The following SLC14A2 variants were observed in gnomAD, a reference collection of about 807,000 sequenced individuals.
The protein encoded by SLC14A2 is urea transporter 2.
Under a neutral mutation model 104.6 loss-of-function variants are expected in SLC14A2, and 91 were observed. The ratio of observed to expected loss-of-function variants is 0.87; its 90% CI spans 0.73 to 1.04. The LOEUF is 1.04. Ranked by LOEUF, SLC14A2 falls within the 50% of genes least tolerant of loss-of-function variation. SLC14A2 has a pLI of 0.00. For missense variants in SLC14A2, 1,189 were observed against 1,156.0 expected (o/e 1.03, Z -0.41); for synonymous variants, 476 against 466.4 (o/e 1.02, Z -0.27).
chr18:45,588,906 G>A (rs1473555195), intron 2 of SLC14A2, among the ~76,000 whole-genome samples: 2 of 152,158 alleles, frequency 1.3e-5, no homozygotes, highest in East Asian at 3.9e-4. Flanking sequence ...GGAGTTACAG[G>A]GAGAGGTGAA....
chr18:45,553,269 T>C (rs924942857), intron 2 of SLC14A2, among the ~76,000 whole-genome samples: 1 of 152,218 alleles, frequency 6.6e-6, no homozygotes, highest in African/African-American at 2.4e-5. Flanking sequence ...TGAAAAAGAA[T>C]TGTACATACA....
intron 5 of SLC14A2, among the ~76,000 whole-genome samples, chr18:45,633,106 C>T (rs886400232): frequency 6.6e-6 from 1 of 152,168 alleles, no homozygotes; most frequent in Non-Finnish European, 1.5e-5. Flanking sequence ...CAGTGCTAAG[C>T]AGGGCTTATG....
At chr18:45,531,879 A>C (rs1238404954) in intron 2 of SLC14A2, among the ~76,000 whole-genome samples, 1 of 152,158 alleles carries the variant, frequency 6.6e-6, no homozygotes. Flanking sequence ...CTTTTTGTAT[A>C]AGGTGTAAGG....
Position 45,557,553 on chromosome 18 carries a change from C to G in SLC14A2, c.-34-67078C>G, listed in dbSNP as rs1360098691. 3.3e-5 allele frequency among the ~76,000 whole-genome samples: 5 copies of G among 152,342 alleles called. No individual in the cohort carries two copies. In the East Asian group the frequency reaches 9.6e-4, roughly 29 times the overall value. On this transcript the variant is annotated intron_variant, in intron 2 of 20. Coordinates refer to the SLC14A2 transcript ENST00000586448. ...CTGACTCACATTCTCCTCTCACCTCCCAAAAATGTCCCCAAATGCTGCCTC... is the reference window on the plus strand; with the variant it reads ...CTGACTCACATTCTCCTCTCACCTCGCAAAAATGTCCCCAAATGCTGCCTC...
chr18:45,225,128 TTA>T (rs1472004999), intron 1 of SLC14A2, among the ~76,000 whole-genome samples: 1 of 152,218 alleles, frequency 6.6e-6, no homozygotes, highest in Admixed American at 6.5e-5. Context: ...GTTCTAGGTC[TTA>T]TGTTTAAGTC....
intron 1 of SLC14A2, among the ~76,000 whole-genome samples, chr18:45,406,826 C>CT (rs1043488885): frequency 5.3e-5 from 8 of 149,974 alleles, no homozygotes; most frequent in African/African-American, 7.3e-5. Flanking sequence ...TGAAAGTAAT[C>CT]TTTTTTTTTT....
chr18:45,482,788 G>A (rs1295534285), intron 1 of SLC14A2, among the ~76,000 whole-genome samples: 4 of 150,710 alleles, frequency 2.7e-5, no homozygotes, highest in Admixed American at 6.7e-5. Context: ...CACTCAAATG[G>A]AGTGATCACA....
intron 1 of SLC14A2, among the ~76,000 whole-genome samples, chr18:45,375,451 C>A (rs2085763660): frequency 6.6e-6 from 1 of 152,166 alleles, no homozygotes; most frequent in Non-Finnish European, 1.5e-5. Context: ...AAGAGGACAG[C>A]TTCAACTTCC....
intron 1 of SLC14A2, among the ~76,000 whole-genome samples, chr18:45,618,608 G>T (rs572895817): frequency 7.3e-6 from 1 of 137,200 alleles, no homozygotes; most frequent in Non-Finnish European, 1.5e-5. Flanking sequence ...GGAGGAGGTT[G>T]TAGTGAGCCG....
chr18:45,481,783 A>G (rs2087498279), intron 1 of SLC14A2, among the ~76,000 whole-genome samples: 1 of 152,204 alleles, frequency 6.6e-6, no homozygotes, highest in Admixed American at 6.5e-5. Context: ...GTATCACCAC[A>G]TTTTCAGGAC....
At chr18:45,357,996 A>C (rs964094408) in intron 1 of SLC14A2, among the ~76,000 whole-genome samples, 1 of 152,228 alleles carries the variant, frequency 6.6e-6, no homozygotes. Context: ...TTGATTGTGC[A>C]TATCTTCAGT....
At chr18:45,414,757 A>AAAAATATATATAT (rs1360051908) in intron 1 of SLC14A2, among the ~76,000 whole-genome samples, 50 of 76,064 alleles carry the variant, frequency 6.6e-4, no homozygotes, top group Non-Finnish European at 8.5e-4. Context: ...AAAAAAAAAA[A>AAAAATATATATAT]ATATATATAT....
intron 1 of SLC14A2, among the ~76,000 whole-genome samples, chr18:45,278,292 T>A (rs1476609605): frequency 6.6e-6 from 1 of 152,208 alleles, no homozygotes; most frequent in African/African-American, 2.4e-5. Flanking sequence ...TCGACACTAC[T>A]GATATTTGGG....
chr18:45,441,538 G>A (rs544982975), intron 1 of SLC14A2, among the ~76,000 whole-genome samples: 1 of 152,336 alleles, frequency 6.6e-6, no homozygotes, highest in African/African-American at 2.4e-5. Flanking sequence ...AGACAAGGAG[G>A]CCTAGGAGGA....
intron 2 of SLC14A2, among the ~76,000 whole-genome samples, chr18:45,592,140 A>T (rs1346713198): frequency 6.6e-6 from 1 of 152,168 alleles, no homozygotes; most frequent in Non-Finnish European, 1.5e-5. Flanking sequence ...ACCAAGAGGA[A>T]TTGGCCCAGC....
the SLC14A2 span, among the ~76,000 whole-genome samples, chr18:45,184,628 A>C: frequency 9.2e-5 from 14 of 152,172 alleles, no homozygotes; most frequent in Non-Finnish European, 1.8e-4. Flanking sequence ...ATCCTGCAAT[A>C]GAAAACCACT....
intron 1 of SLC14A2, among the ~76,000 whole-genome samples, chr18:45,337,245 A>C (rs1199920051): frequency 6.6e-6 from 1 of 152,156 alleles, no homozygotes; most frequent in East Asian, 1.9e-4. Flanking sequence ...CCAACATGCA[A>C]AGAGGCATGA....
upstream of SLC14A2, among the ~76,000 whole-genome samples, chr18:45,208,141 T>C (rs1393770719): frequency 6.6e-6 from 1 of 152,174 alleles, no homozygotes; most frequent in African/African-American, 2.4e-5. Context: ...AGAACAGATA[T>C]GCACTTCTCA....
At chr18:45,316,687 G>T (rs889864798) in intron 1 of SLC14A2, among the ~76,000 whole-genome samples, 1 of 152,174 alleles carries the variant, frequency 6.6e-6, no homozygotes, top group Non-Finnish European at 1.5e-5. Context: ...TACTCTGGGT[G>T]CTCTGGCCTT....
Sources: allele counts gnomAD v4.1 joint callset (sites outside exome capture counted in the v4.1 genomes callset), GRCh38; gene constraint gnomAD v4.1.1; transcripts MANE v1.5; gene names NCBI Gene and HGNC (gene_info 2026-07-23, HGNC 2026-07-21).